Variants in ADCY3 observed in about 807,000 individuals in gnomAD.
ADCY3 encodes adenylate cyclase 3, also known as adenylate cyclase type 3.
In ADCY3, 70 loss-of-function variants were observed where a neutral mutation model predicts 119.4. The observed-to-expected ratio is 0.59, with a 90% confidence interval of 0.48 to 0.72. The LOEUF is 0.72. Among genes scored for constraint, ADCY3 ranks in the 30% least tolerant of loss-of-function variants. The pLI, the probability that ADCY3 is intolerant of heterozygous loss-of-function variation, is 0.00. For synonymous variants in ADCY3, 672 were observed against 621.4 expected (o/e 1.08, Z -1.21); for missense variants, 1,238 against 1,541.6 (o/e 0.80, Z 3.30).
At chr2:24,890,708 A>T (rs560284434) in intron 2 of ADCY3, among the ~76,000 whole-genome samples, 1 of 152,070 alleles carries the variant, frequency 6.6e-6, no homozygotes, top group Admixed American at 6.6e-5. Context: ...TAGCTAGAGG[A>T]TTATCTATTT....
At chr2:24,874,579 C>T (rs1234077040) in intron 2 of ADCY3, among the ~76,000 whole-genome samples, 1 of 152,254 alleles carries the variant, frequency 6.6e-6, no homozygotes, top group African/African-American at 2.4e-5. Flanking sequence ...TCCCTCCAGC[C>T]TCCTTCCCGG....
At chr2:24,884,679 G>A (rs1015107631) in intron 2 of ADCY3, among the ~76,000 whole-genome samples, 4 of 151,874 alleles carry the variant, frequency 2.6e-5, no homozygotes, top group African/African-American at 4.8e-5. Flanking sequence ...GTTTTGCCAC[G>A]TTGGCCTGGC....
intron 20 of ADCY3, chr2:24,821,259 T>C (rs2148341209): frequency 2.0e-6 from 1 of 489,008 alleles, no homozygotes; most frequent in South Asian, 2.9e-5. Context: ...CAAACTCACT[T>C]CTCAGCCAGG....
In ADCY3 at chr2:24,841,951, G is replaced by T. The variant is rs1167119736; in HGVS notation, c.957-284C>A. ...CAGGCTGAACTCATCCTTCTTCCTA[G>T]AATCACAGGTCAGGGCTCTAGCCCC... On this transcript the variant is annotated intron_variant, in intron 4 of 21. Coordinates refer to ENST00000679454, the MANE Select transcript of ADCY3 (RefSeq NM_004036.5). This position sits in a 1 kb window ranked among gnomAD's most constrained non-coding sequence, Gnocchi z 5.8. 6.6e-6 allele frequency among the ~76,000 whole-genome samples: 1 copy of T among 152,172 alleles called. No homozygotes were observed. The highest frequency in any genetic ancestry group is 1.5e-5 in the Non-Finnish European group (1 of 68,024).
intron 3 of ADCY3, among the ~76,000 whole-genome samples, chr2:24,860,354 G>A (rs1482833711): frequency 2.0e-5 from 3 of 152,238 alleles, no homozygotes; most frequent in Non-Finnish European, 4.4e-5. Flanking sequence ...CCACAGAGCC[G>A]GGAGGCTGGA....
intron 3 of ADCY3, among the ~76,000 whole-genome samples, chr2:24,847,475 T>C (rs530446233): frequency 4.5e-4 from 69 of 152,298 alleles, no homozygotes; most frequent in Non-Finnish European, 8.8e-4. Flanking sequence ...AGCTCAGGAA[T>C]GAGAAGGCAA....
Position 24,838,581 on chromosome 2 carries a change from C to A in ADCY3, c.1397G>T (p.Gly466Val). 1.9e-6 allele frequency: 3 copies of A among 1,614,140 alleles called. No homozygotes were observed. The highest frequency in any genetic ancestry group is 2.5e-6 in the Non-Finnish European group (3 of 1,180,046). Residue 466 changes from glycine to valine, a missense_variant, in exon 8 of 22, where the codon GGG becomes GTG. By Grantham distance (109) the Gly-to-Val change is moderately radical. This residue lies in a region of ADCY3 where 283 missense variants were observed against 437.2 expected (regional missense o/e 0.65). Transcript: ENST00000679454. ...ATCGCCTGGCTCCACATCAAACTCC[C>A]CTTTCAGGCAGTCCATGGTGCTCTG... ...ISQSTMDCLK[G>V]EFDVEPGDGG...
rs998661494 is a variant in ADCY3 at position 24,842,862 on chromosome 2, A to G, written c.826-478T>C. Among the ~76,000 whole-genome samples, 2 of 152,186 alleles carry G rather than the reference A, an allele frequency of 1.3e-5. No homozygotes were observed. Among genetic ancestry groups the G allele is most frequent in the African/African-American group, 2.4e-5 (1 of 41,448 alleles). On this transcript the variant is annotated intron_variant, in intron 3 of 21. Coordinates refer to ENST00000679454, the MANE Select transcript of ADCY3 (RefSeq NM_004036.5). The surrounding 1 kb of genome is among the most constrained non-coding windows in gnomAD (Gnocchi z 4.9). Reference sequence around the variant, plus strand: ...GCGCCAGCGACACAAAACCAGCAAGAACGTCCACCTCAGAGAGCGGAGGGT... The same window carrying G: ...GCGCCAGCGACACAAAACCAGCAAGGACGTCCACCTCAGAGAGCGGAGGGT...
At chr2:24,892,606 T>C (rs1043273458) in intron 2 of ADCY3, among the ~76,000 whole-genome samples, 1 of 152,092 alleles carries the variant, frequency 6.6e-6, no homozygotes, top group Non-Finnish European at 1.5e-5. Flanking sequence ...AACATTTCAG[T>C]GCACTTGAAA....
chr2:24,884,928 G>A (rs1325233807), intron 2 of ADCY3, among the ~76,000 whole-genome samples: 1 of 152,120 alleles, frequency 6.6e-6, no homozygotes, highest in Non-Finnish European at 1.5e-5. Context: ...GCTGCTTCAT[G>A]TCTCCTGCGT....
intron 13 of ADCY3, 40 bp downstream of exon 13, chr2:24,830,669 G>C (rs1669363989): frequency 6.5e-7 from 1 of 1,533,560 alleles, no homozygotes; most frequent in Admixed American, 1.7e-5. Context: ...TCTCCACTGA[G>C]AACAGGGGCG....
At chr2:24,855,035 G>A (rs769027081) in intron 3 of ADCY3, among the ~76,000 whole-genome samples, 1 of 152,150 alleles carries the variant, frequency 6.6e-6, no homozygotes, top group African/African-American at 2.4e-5. Flanking sequence ...GGGTGACAGA[G>A]CGAGCCTCCA....
At chr2:24,850,917 G>A (rs1672213818) in intron 3 of ADCY3, among the ~76,000 whole-genome samples, 2 of 152,202 alleles carry the variant, frequency 1.3e-5, no homozygotes, top group South Asian at 4.1e-4. Context: ...ATCTATGTGT[G>A]CATAGAAATA....
chr2:24,837,021 A>C lies in ADCY3; in HGVS notation c.1558T>G (p.Ser520Ala), dbSNP rs774340655. Residue 520 changes from serine to alanine, a missense_variant, in exon 9 of 22, where the codon TCC (serine) becomes GCC (alanine). Around this residue, in one of 7 missense-constraint regions of ADCY3, gnomAD observed 499 missense variants for 571.0 expected, o/e 0.87. Transcript: ENST00000679454. ...AGGGCAGGGGAGCTGGACTTTGAGG[A>C]AGCTGGTGCTCCATTGGGCAGGGCC... The part of the protein sequence containing the change: ...GSALPNGAPA[S>A]SKSSSPALIE... 3.1e-6 allele frequency: 5 copies of C among 1,614,066 alleles called. No individual in the cohort carries two copies. The highest frequency in any genetic ancestry group is 4.2e-6 in the Non-Finnish European group (5 of 1,180,002).
chr2:24,902,300 C>T (rs767406569), intron 2 of ADCY3, among the ~76,000 whole-genome samples: 8 of 152,010 alleles, frequency 5.3e-5, no homozygotes. Flanking sequence ...AGTCTAGTCT[C>T]GAATTCCTGG....
chr2:24,830,275 G>A (rs908619669), intron 13 of ADCY3, among the ~76,000 whole-genome samples: 14 of 151,842 alleles, frequency 9.2e-5, no homozygotes, highest in African/African-American at 3.4e-4. Context: ...TCCTGACCTC[G>A]TGATCCGCCC....
intron 3 of ADCY3, among the ~76,000 whole-genome samples, chr2:24,848,244 T>C (rs548155083): frequency 2.6e-4 from 39 of 152,374 alleles, no homozygotes; most frequent in African/African-American, 8.9e-4. Context: ...CTTAACGGCA[T>C]TCTTAAGCCA....
At chr2:24,875,500 G>A (rs985575689) in intron 2 of ADCY3, among the ~76,000 whole-genome samples, 5 of 152,276 alleles carry the variant, frequency 3.3e-5, no homozygotes, top group African/African-American at 7.2e-5. Context: ...AGCCAGCTTT[G>A]AGAGAGATGA....
intron 2 of ADCY3, among the ~76,000 whole-genome samples, chr2:24,883,902 T>C (rs1676704481): frequency 6.6e-6 from 1 of 152,214 alleles, no homozygotes; most frequent in African/African-American, 2.4e-5. Context: ...CAAAACTTCC[T>C]ACCTTTCAAT....
Sources: allele counts gnomAD v4.1 joint callset (sites outside exome capture counted in the v4.1 genomes callset), GRCh38; gene constraint gnomAD v4.1.1; regional missense constraint gnomAD v4.1.1; non-coding constraint Gnocchi (gnomAD v3.1); transcripts MANE v1.5; gene names NCBI Gene and HGNC (gene_info 2026-07-23, HGNC 2026-07-21).